CAMKMT: variants seen among roughly 807,000 people sequenced by gnomAD.
CAMKMT encodes calmodulin-lysine N-methyltransferase.
CAMKMT carries 53 observed loss-of-function variants against 48.0 expected under a neutral mutation model. The observed-to-expected ratio is 1.10, with a 90% CI of 0.89 to 1.39. The LOEUF is 1.39. CAMKMT is among the 40% of genes most tolerant of loss of function. CAMKMT has a pLI of 0.00. For synonymous variants in CAMKMT, 165 were observed against 152.3 expected, an observed-to-expected ratio of 1.08 and a Z score of -0.61; for missense variants, 428 against 402.7, an observed-to-expected ratio of 1.06 and a Z score of -0.54.
intron 3 of CAMKMT, among the ~76,000 whole-genome samples, chr2:44,621,266 C>CAAAAAAAAAAAAAAA (rs10667154): frequency 3.3e-4 from 28 of 84,512 alleles, no homozygotes; most frequent in African/African-American, 1.4e-3. Flanking sequence ...GACTCCATCT[C>CAAAAAAAAAAAAAAA]AAAAAAAAAA....
intron 3 of CAMKMT, among the ~76,000 whole-genome samples, chr2:44,558,920 C>T (rs1668171307): frequency 6.6e-6 from 1 of 151,106 alleles, no homozygotes; most frequent in South Asian, 2.1e-4. Context: ...ATACATACCC[C>T]CTGAACCTAA....
At chr2:44,614,148 G>T (rs977975173) in intron 3 of CAMKMT, among the ~76,000 whole-genome samples, 18 of 152,112 alleles carry the variant, frequency 1.2e-4, no homozygotes, top group African/African-American at 4.1e-4. Flanking sequence ...CTTTTGAAAG[G>T]TTGTATTTGG....
intron 3 of CAMKMT, among the ~76,000 whole-genome samples, chr2:44,636,137 A>T (rs573083647): frequency 6.6e-6 from 1 of 152,326 alleles, no homozygotes; most frequent in Admixed American, 6.5e-5. Context: ...TGATTCATCC[A>T]TATTATACCT....
intron 3 of CAMKMT, among the ~76,000 whole-genome samples, chr2:44,581,249 A>G (rs2103775261): frequency 6.6e-6 from 1 of 152,278 alleles, no homozygotes; most frequent in Middle Eastern, 3.4e-3. Context: ...TAATAATGAA[A>G]CCTTTATGTA....
At chr2:44,419,453 C>G (rs1683780395) in intron 3 of CAMKMT, among the ~76,000 whole-genome samples, 2 of 152,216 alleles carry the variant, frequency 1.3e-5, no homozygotes. Flanking sequence ...ATTCCCCCAT[C>G]TGGAAGAGGA....
At chr2:44,383,196 G>A (rs370338935) in intron 2 of CAMKMT, among the ~76,000 whole-genome samples, 11 of 151,152 alleles carry the variant, frequency 7.3e-5, no homozygotes, top group African/African-American at 1.2e-4. Flanking sequence ...GCAGAATCTC[G>A]CTCTGTCACC....
intron 3 of CAMKMT, among the ~76,000 whole-genome samples, chr2:44,453,227 A>T (rs767304386): frequency 6.6e-6 from 1 of 152,006 alleles, no homozygotes; most frequent in Non-Finnish European, 1.5e-5. Context: ...AAACATACAT[A>T]TGTGCATATT....
At chr2:44,363,277 A>G (rs1384128138) in intron 1 of CAMKMT, among the ~76,000 whole-genome samples, 3 of 152,228 alleles carry the variant, frequency 2.0e-5, no homozygotes, top group Non-Finnish European at 4.4e-5. Flanking sequence ...AGATCATCAT[A>G]GGAAGTATCT....
chr2:44,684,303 A>G (rs1459743584), intron 3 of CAMKMT, among the ~76,000 whole-genome samples: 1 of 152,182 alleles, frequency 6.6e-6, no homozygotes, highest in Non-Finnish European at 1.5e-5. Flanking sequence ...GGCTGATAAC[A>G]ATATAACAGC....
chr2:44,529,920 C>A (rs1666390426), intron 3 of CAMKMT, among the ~76,000 whole-genome samples: 1 of 152,122 alleles, frequency 6.6e-6, no homozygotes, highest in African/African-American at 2.4e-5. Flanking sequence ...TACAATGTTC[C>A]AGTGCAGTGC....
intron 3 of CAMKMT, among the ~76,000 whole-genome samples, chr2:44,436,562 CTTATTT>C (rs1318498225): frequency 6.7e-6 from 1 of 148,828 alleles, no homozygotes; most frequent in East Asian, 1.9e-4. Context: ...GTCAAATATT[CTTATTT>C]TTAATTTTTT....
intron 3 of CAMKMT, among the ~76,000 whole-genome samples, chr2:44,491,684 T>G (rs1669514941): frequency 6.6e-6 from 1 of 152,220 alleles, no homozygotes; most frequent in South Asian, 2.1e-4. Flanking sequence ...TGACTATACA[T>G]CTGACCTTTT....
At chr2:44,756,365 A>G (rs1323967234) in intron 9 of CAMKMT, among the ~76,000 whole-genome samples, 1 of 152,212 alleles carries the variant, frequency 6.6e-6, no homozygotes, top group African/African-American at 2.4e-5. Context: ...TTTCATTACA[A>G]TTAGAGCTGG....
intron 3 of CAMKMT, among the ~76,000 whole-genome samples, chr2:44,626,788 C>T (rs1174612469): frequency 6.6e-6 from 1 of 152,154 alleles, no homozygotes; most frequent in Non-Finnish European, 1.5e-5. Context: ...ACACAACATT[C>T]AGAACATTGC....
chr2:44,376,733 G>T (rs1679735445), intron 2 of CAMKMT, among the ~76,000 whole-genome samples: 1 of 152,104 alleles, frequency 6.6e-6, no homozygotes, highest in Non-Finnish European at 1.5e-5. Context: ...TATAAGCAGT[G>T]ACCTTAAAAA....
intron 3 of CAMKMT, among the ~76,000 whole-genome samples, chr2:44,446,647 T>C (rs1667017607): frequency 6.6e-6 from 1 of 152,122 alleles, no homozygotes. Context: ...GCCCAGCCTT[T>C]TCCCTTATAT....
intron 3 of CAMKMT, among the ~76,000 whole-genome samples, chr2:44,637,383 T>A (rs1396153855): frequency 1.3e-5 from 2 of 152,166 alleles, no homozygotes; most frequent in Non-Finnish European, 2.9e-5. Flanking sequence ...GTCAGAAGAA[T>A]TTTTTGCACT....
At chr2:44,427,046 A>G (rs1417759912) in intron 3 of CAMKMT, among the ~76,000 whole-genome samples, 2 of 152,216 alleles carry the variant, frequency 1.3e-5, no homozygotes, top group South Asian at 2.1e-4. Flanking sequence ...ATGTTCTACA[A>G]TGTCAACAAT....
intron 3 of CAMKMT, among the ~76,000 whole-genome samples, chr2:44,658,889 A>C (rs2104072097): frequency 6.6e-6 from 1 of 152,142 alleles, no homozygotes; most frequent in Non-Finnish European, 1.5e-5. Flanking sequence ...CATGGAGCTA[A>C]GTACTCATGC....
Sources: allele counts gnomAD v4.1 joint callset (sites outside exome capture counted in the v4.1 genomes callset), GRCh38; gene constraint gnomAD v4.1.1; transcripts MANE v1.5; gene names NCBI Gene and HGNC (gene_info 2026-07-23, HGNC 2026-07-21).